Variants in STXBP5L observed in about 807,000 individuals in gnomAD.
STXBP5L encodes syntaxin binding protein 5L, also known as syntaxin-binding protein 5-like.
Under a neutral mutation model 144.5 loss-of-function variants are expected in STXBP5L, and 65 were observed. The observed-to-expected ratio is 0.45, with a 90% confidence interval of 0.37 to 0.55. The LOEUF (loss-of-function observed/expected upper bound fraction) is 0.55, where lower values mean the gene tolerates loss of function less well. STXBP5L is among the 20% of genes least tolerant of loss of function. The pLI, the probability that STXBP5L is intolerant of heterozygous loss-of-function variation, is 0.00. For missense variants in STXBP5L, 1,298 were observed against 1,405.5 expected (o/e 0.92, Z 1.22); for synonymous variants, 505 against 469.6 (o/e 1.08, Z -0.97).
chr3:121,214,843 T>A (rs543494647), intron 10 of STXBP5L, among the ~76,000 whole-genome samples: 1 of 152,000 alleles, frequency 6.6e-6, no homozygotes, highest in South Asian at 2.1e-4. Flanking sequence ...GAGTCTAAGT[T>A]TTTTTTTGTT....
intron 5 of STXBP5L, among the ~76,000 whole-genome samples, chr3:121,049,294 C>G (rs1480807156): frequency 6.6e-6 from 1 of 152,108 alleles, no homozygotes; most frequent in Admixed American, 6.5e-5. Context: ...GCCTGCCTTT[C>G]CCACTGAGAG....
chr3:121,073,556 A>T (rs2041896141), intron 5 of STXBP5L, among the ~76,000 whole-genome samples: 1 of 152,166 alleles, frequency 6.6e-6, no homozygotes, highest in Non-Finnish European at 1.5e-5. Context: ...TGTTTGTACC[A>T]AGATTCCTGT....
intron 9 of STXBP5L, among the ~76,000 whole-genome samples, chr3:121,205,434 G>A (rs1276740894): frequency 4.6e-5 from 7 of 152,130 alleles, no homozygotes; most frequent in African/African-American, 1.7e-4. Flanking sequence ...CATCCATGAG[G>A]GCAAAGCCCC....
In STXBP5L at chr3:121,114,955, T is replaced by C. The variant is rs2044167897; in HGVS notation, c.501T>C (p.Ser167=). The C allele has an allele frequency of 6.3e-7, 1 of 1,584,930 alleles. No homozygotes were observed. The highest frequency in any genetic ancestry group is 1.4e-5 in the African/African-American group (1 of 73,852). ...CTTACTGTCATCTACCTTTCCAGAGTAAATGGCTTTATGTTGGAACAGAAA... is the reference window on the plus strand; with the variant it reads ...CTTACTGTCATCTACCTTTCCAGAGCAAATGGCTTTATGTTGGAACAGAAA... The part of the protein sequence containing the change: ...RITYCHLPFQ[S]KWLYVGTERG... The change falls in exon 6 of 27, where the codon AGT becomes AGC. Residue 167 remains serine, a synonymous_variant. Transcript: ENST00000471454.
chr3:121,080,848 A>G (rs1560102755), intron 5 of STXBP5L, among the ~76,000 whole-genome samples: 1 of 152,074 alleles, frequency 6.6e-6, no homozygotes, highest in East Asian at 1.9e-4. Context: ...CTTGCTGATA[A>G]TTTTTTTGTG....
intron 20 of STXBP5L, among the ~76,000 whole-genome samples, chr3:121,326,537 T>A (rs1219343226): frequency 1.3e-5 from 2 of 152,112 alleles, no homozygotes; most frequent in Non-Finnish European, 2.9e-5. Context: ...CAACTTTTAT[T>A]TTAATTTAAT....
At position 121,259,063 on chromosome 3, in the gene STXBP5L, G is replaced by A. The variant is rs267599562; in HGVS notation, c.1853G>A (p.Arg618Gln). ...PCLNVKTRPVRMPPGYQAELV... is the reference protein window; with the variant it reads ...PCLNVKTRPVQMPPGYQAELV... The stretch of plus-strand genomic sequence containing the variant: ...TAAAGTGTGAAGACACGGCCAGTGC[G>A]AATGCCTCCAGGATATCAAGCAGAA... The change falls in exon 18 of 27, where the codon CGA becomes CAA. Residue 618 changes from arginine (R) to glutamine (Q), a missense_variant. Transcript: ENST00000471454. 1.3e-5 allele frequency: 21 copies of A among 1,603,296 alleles called. No individual in the cohort carries two copies. The highest frequency in any genetic ancestry group is 1.0e-4 in the Admixed American group (6 of 59,292).
At chr3:121,039,105 T>A (rs902292109) in intron 3 of STXBP5L, among the ~76,000 whole-genome samples, 1 of 151,956 alleles carries the variant, frequency 6.6e-6, no homozygotes, top group Non-Finnish European at 1.5e-5. Flanking sequence ...TTTAGTGTGG[T>A]ATTGGTATAG....
At chr3:121,008,674 G>A (rs905514303) in intron 3 of STXBP5L, among the ~76,000 whole-genome samples, 1 of 151,948 alleles carries the variant, frequency 6.6e-6, no homozygotes, top group African/African-American at 2.4e-5. Flanking sequence ...TAGGCTGCTA[G>A]CTTTTAGCTT....
chr3:121,135,369 A>G (rs956074286), intron 7 of STXBP5L, among the ~76,000 whole-genome samples: 3 of 152,100 alleles, frequency 2.0e-5, no homozygotes, highest in African/African-American at 4.8e-5. Context: ...GCCTGTGAGG[A>G]GACATTCAAA....
At chr3:121,356,779 G>C (rs1392897950) in intron 20 of STXBP5L, among the ~76,000 whole-genome samples, 1 of 152,182 alleles carries the variant, frequency 6.6e-6, no homozygotes, top group Admixed American at 6.5e-5. Flanking sequence ...TATCAATCAC[G>C]CTGGAAGCTG....
At chr3:121,327,392 T>C (rs1327607337) in intron 20 of STXBP5L, among the ~76,000 whole-genome samples, 4 of 151,346 alleles carry the variant, frequency 2.6e-5, no homozygotes, top group African/African-American at 7.4e-5. Context: ...GGAGTAGAGA[T>C]AAATACTTTC....
intron 20 of STXBP5L, among the ~76,000 whole-genome samples, chr3:121,356,312 G>A (rs2045511960): frequency 6.6e-6 from 1 of 152,218 alleles, no homozygotes; most frequent in South Asian, 2.1e-4. Context: ...GAAGTCTAAA[G>A]GCAGTAGGCC....
chr3:121,138,420 A>G (rs1435181730), intron 7 of STXBP5L, among the ~76,000 whole-genome samples: 2 of 152,122 alleles, frequency 1.3e-5, no homozygotes, highest in Non-Finnish European at 2.9e-5. Flanking sequence ...CAAAGTTTGT[A>G]TGGAACCATA....
chr3:120,930,383 TG>T (rs1191702281), intron 2 of STXBP5L, among the ~76,000 whole-genome samples: 2 of 152,036 alleles, frequency 1.3e-5, no homozygotes, highest in Non-Finnish European at 2.9e-5. Context: ...TGATGTGTTT[TG>T]GCTGTGTTTT....
chr3:120,940,110 T>C (rs1166327515), intron 2 of STXBP5L, among the ~76,000 whole-genome samples: 1 of 152,092 alleles, frequency 6.6e-6, no homozygotes, highest in South Asian at 2.1e-4. Context: ...CCATTTTTAT[T>C]ATATATCAAT....
intron 3 of STXBP5L, among the ~76,000 whole-genome samples, chr3:121,004,753 A>T (rs1269780667): frequency 6.6e-6 from 1 of 152,146 alleles, no homozygotes; most frequent in Non-Finnish European, 1.5e-5. Flanking sequence ...GAGAGTTTTT[A>T]GCATGAAGCG....
intron 5 of STXBP5L, among the ~76,000 whole-genome samples, chr3:121,093,856 G>T (rs2042963712): frequency 6.6e-6 from 1 of 152,048 alleles, no homozygotes; most frequent in Non-Finnish European, 1.5e-5. Flanking sequence ...TCTTTTAATT[G>T]TGATGTTAGG....
intron 3 of STXBP5L, among the ~76,000 whole-genome samples, chr3:120,958,801 C>A (rs1161798651): frequency 1.3e-5 from 2 of 152,172 alleles, no homozygotes; most frequent in Non-Finnish European, 2.9e-5. Flanking sequence ...CAATATTATA[C>A]TGAATGGGCA....
Sources: gnomAD v4.1 joint callset for allele counts (sites outside exome capture counted in the v4.1 genomes callset) on GRCh38, gnomAD v4.1.1 for gene constraint, MANE v1.5 for transcripts, NCBI Gene and HGNC (gene_info 2026-07-23, HGNC 2026-07-21) for gene names.